Variants in ROBO1 observed in about 807,000 individuals in gnomAD.
ROBO1 encodes the protein roundabout homolog 1.
In ROBO1, 149 loss-of-function variants were observed where a neutral mutation model predicts 195.9. The observed-to-expected ratio is 0.76, with a 90% CI of 0.67 to 0.87. The LOEUF (loss-of-function observed/expected upper bound fraction) is 0.87. Among genes scored for constraint, ROBO1 ranks in the 40% least tolerant of loss-of-function variants. The pLI is 0.00. For synonymous variants in ROBO1, 816 were observed against 733.2 expected, an observed-to-expected ratio of 1.11 and a Z score of -1.82; for missense variants, 1,933 against 2,068.3, an observed-to-expected ratio of 0.93 and a Z score of 1.27.
intron 1 of ROBO1, among the ~76,000 whole-genome samples, chr3:79,756,600 G>A (rs1173464049): frequency 4.6e-5 from 7 of 151,112 alleles, no homozygotes; most frequent in Admixed American, 4.6e-4. Context: ...AAGGGGTAAG[G>A]ATGTCCAAGC....
chr3:79,553,289 CA>C (rs1355246393), intron 2 of ROBO1, among the ~76,000 whole-genome samples: 1 of 152,016 alleles, frequency 6.6e-6, no homozygotes, highest in Non-Finnish European at 1.5e-5. Flanking sequence ...CTTGTCATAA[CA>C]AAATTTCCAC....
intron 2 of ROBO1, among the ~76,000 whole-genome samples, chr3:79,143,888 A>T (rs1046960530): frequency 6.6e-6 from 1 of 151,910 alleles, no homozygotes; most frequent in African/African-American, 2.4e-5. Flanking sequence ...CTGAACTACT[A>T]ATCTATTATC....
chr3:79,237,754 G>A (rs1359472531), intron 2 of ROBO1, among the ~76,000 whole-genome samples: 1 of 151,948 alleles, frequency 6.6e-6, no homozygotes, highest in Non-Finnish European at 1.5e-5. Flanking sequence ...CTGCTTTTAA[G>A]TACTGGAGAT....
At position 78,627,942 on chromosome 3, in the gene ROBO1, A is replaced by G. The variant is rs1020151907; in HGVS notation, c.3627-373T>C. On this transcript the variant is annotated intron_variant, in intron 25 of 30. Coordinates refer to ENST00000464233, the MANE Select transcript of ROBO1 (RefSeq NM_002941.4). ...CCTGAAGATGAGCTGCTACATTTAG[A>G]GAAAAATTACTCTTTTTTTTTTTTT... 2.0e-5 allele frequency among the ~76,000 whole-genome samples: 3 copies of G among 146,946 alleles called. No individual in the cohort carries two copies. In the Admixed American group the frequency reaches 2.1e-4, roughly 10 times the overall value.
chr3:78,868,755 A>G (rs2035342606), intron 4 of ROBO1, among the ~76,000 whole-genome samples: 1 of 152,188 alleles, frequency 6.6e-6, no homozygotes, highest in Admixed American at 6.5e-5. Flanking sequence ...CACTTGGTAC[A>G]TCACAGCTGT....
At chr3:78,814,763 T>C (rs1004307395) in intron 4 of ROBO1, among the ~76,000 whole-genome samples, 2 of 152,116 alleles carry the variant, frequency 1.3e-5, no homozygotes, top group Non-Finnish European at 2.9e-5. Flanking sequence ...AGAAAATATA[T>C]ACATACAGTC....
chr3:78,662,092 C>G lies in ROBO1; in HGVS notation c.1989G>C (p.Gly663=). 1.3e-6 allele frequency: 2 copies of G among 1,567,084 alleles called. No individual in the cohort carries two copies. The highest frequency in any genetic ancestry group is 1.7e-6 in the Non-Finnish European group (2 of 1,155,128). The change falls in exon 15 of 31, where the codon GGG becomes GGC. Residue 663 remains glycine (G), a synonymous_variant. Transcript: ENST00000464233. The part of the protein sequence containing the change: ...KTQDVLPTSQ[G]VDHKQVQREL... ...CTCTCTGGACCTGCTTGTGGTCCAC[C>G]CCCTGACTTGTTGGTAGGACATCTA...
chr3:79,075,956 T>C (rs1414097960), intron 3 of ROBO1, among the ~76,000 whole-genome samples: 2 of 151,618 alleles, frequency 1.3e-5, no homozygotes, highest in Non-Finnish European at 1.5e-5. Flanking sequence ...AGAGGCAGCA[T>C]AGTATAAAGA....
chr3:79,191,579 C>A (rs971071842), intron 2 of ROBO1, among the ~76,000 whole-genome samples: 10 of 150,722 alleles, frequency 6.6e-5, no homozygotes, highest in African/African-American at 2.2e-4. Flanking sequence ...ATTAATATAC[C>A]ACACATATTG....
chr3:79,244,165 A>G (rs2082576484), intron 2 of ROBO1, among the ~76,000 whole-genome samples: 1 of 152,046 alleles, frequency 6.6e-6, no homozygotes, highest in African/African-American at 2.4e-5. Flanking sequence ...TTTCTATCAT[A>G]TATTCTTCCT....
chr3:79,212,175 A>G (rs2081977502), intron 2 of ROBO1, among the ~76,000 whole-genome samples: 1 of 152,158 alleles, frequency 6.6e-6, no homozygotes, highest in Non-Finnish European at 1.5e-5. Flanking sequence ...CGGTAAACCC[A>G]CAAACTTCAG....
At chr3:79,534,818 C>G (rs1941793384) in intron 2 of ROBO1, among the ~76,000 whole-genome samples, 1 of 152,144 alleles carries the variant, frequency 6.6e-6, no homozygotes, top group Admixed American at 6.6e-5. Flanking sequence ...TCTGATCCTG[C>G]AGGCACTCAC....
intron 2 of ROBO1, among the ~76,000 whole-genome samples, chr3:79,514,476 T>C (rs2107552598): frequency 6.6e-6 from 1 of 152,274 alleles, no homozygotes; most frequent in African/African-American, 2.4e-5. Context: ...TTTTTTTCTT[T>C]TAAAACTTAA....
intron 2 of ROBO1, among the ~76,000 whole-genome samples, chr3:79,428,382 T>G (rs922969473): frequency 4.6e-5 from 7 of 152,100 alleles, no homozygotes; most frequent in Non-Finnish European, 1.0e-4. Context: ...TACAATAAAT[T>G]AAAAATATGT....
At chr3:79,355,167 AAAAC>A (rs576902546) in intron 2 of ROBO1, among the ~76,000 whole-genome samples, 16 of 152,212 alleles carry the variant, frequency 1.1e-4, no homozygotes, top group African/African-American at 2.9e-4. Context: ...CTCGGTCTCA[AAAAC>A]AAACAAACAA....
intron 2 of ROBO1, among the ~76,000 whole-genome samples, chr3:79,219,973 G>A: frequency 6.6e-6 from 1 of 151,966 alleles, no homozygotes; most frequent in East Asian, 1.9e-4. Flanking sequence ...TTATCAGTTA[G>A]TGATATATAT....
intron 4 of ROBO1, among the ~76,000 whole-genome samples, chr3:78,853,366 T>C (rs1001558866): frequency 6.6e-6 from 1 of 151,486 alleles, no homozygotes; most frequent in Non-Finnish European, 1.5e-5. Flanking sequence ...TTTGTATATA[T>C]ACATACAAAT....
chr3:79,293,697 C>T (rs183140445), intron 2 of ROBO1, among the ~76,000 whole-genome samples: 1 of 152,154 alleles, frequency 6.6e-6, no homozygotes, highest in African/African-American at 2.4e-5. Flanking sequence ...GCCATACTGC[C>T]CAAAGTAATT....
intron 3 of ROBO1, among the ~76,000 whole-genome samples, chr3:79,112,658 CA>C (rs1189592437): frequency 6.7e-6 from 1 of 150,300 alleles, no homozygotes; most frequent in African/African-American, 2.4e-5. Context: ...ATCACAAGGA[CA>C]AAAAACCAAA....
Sources: allele counts gnomAD v4.1 joint callset (sites outside exome capture counted in the v4.1 genomes callset), GRCh38; gene constraint gnomAD v4.1.1; transcripts MANE v1.5; gene names NCBI Gene and HGNC (gene_info 2026-07-23, HGNC 2026-07-21).